Variants in CLDN10 observed in about 807,000 individuals in gnomAD.
CLDN10 encodes the protein claudin 10, also known as claudin-10.
In CLDN10, 15 loss-of-function variants were observed where a neutral mutation model predicts 22.9. That is an observed-to-expected ratio of 0.65 (90% CI 0.44 to 1.01). The LOEUF is 1.01. CLDN10 is among the 50% of genes least tolerant of loss of function. CLDN10 has a pLI of 0.00. For missense variants in CLDN10, 247 were observed against 287.8 expected (o/e 0.86, Z 1.03); for synonymous variants, 114 against 111.4 (o/e 1.02, Z -0.15).
At chr13:95,497,126 C>T (rs1268503643) in intron 1 of CLDN10, 3 of 139,020 alleles carry the variant, frequency 2.2e-5, no homozygotes, top group African/African-American at 7.9e-5. Context: ...AAAGGAAGCA[C>T]TAAAAAAAAA....
intron 3 of CLDN10, among the ~76,000 whole-genome samples, chr13:95,573,443 C>T (rs759144282): frequency 3.3e-5 from 5 of 152,142 alleles, no homozygotes; most frequent in Non-Finnish European, 7.4e-5. Context: ...GAAGGCTGGC[C>T]GAGGGCCAGG....
intron 1 of CLDN10, among the ~76,000 whole-genome samples, chr13:95,520,867 C>A (rs2043217574): frequency 6.6e-6 from 1 of 151,692 alleles, no homozygotes; most frequent in Admixed American, 6.6e-5. Flanking sequence ...GTAGTCCCAG[C>A]TAGTTAGGAG....
At chr13:95,516,968 CTCCTTCCTTCCT>C (rs59808109) in intron 1 of CLDN10, among the ~76,000 whole-genome samples, 36,547 of 135,094 alleles carry the variant, frequency 0.27, 5,306 homozygotes, top group East Asian at 0.34. Context: ...AATAGATTCT[CTCCTTCCTTCCT>C]TCCTTCCTTC....
At chr13:95,563,604 C>T (rs115407801) in intron 3 of CLDN10, among the ~76,000 whole-genome samples, 1 of 152,286 alleles carries the variant, frequency 6.6e-6, no homozygotes, top group Non-Finnish European at 1.5e-5. Flanking sequence ...TCTGTTTTCC[C>T]TGCAGTGCCT....
intron 3 of CLDN10, among the ~76,000 whole-genome samples, chr13:95,563,131 T>TCTCG (rs1555300142): frequency 2.2e-4 from 34 of 151,120 alleles, no homozygotes; most frequent in African/African-American, 8.3e-4. Flanking sequence ...TCTCTCTCTC[T>TCTCG]CTCTGTCTGT....
chr13:95,526,657 G>A (rs1353442704), intron 1 of CLDN10, among the ~76,000 whole-genome samples: 4 of 151,986 alleles, frequency 2.6e-5, no homozygotes, highest in Non-Finnish European at 5.9e-5. Context: ...GCATGATGGT[G>A]GGCACCTGGA....
At chr13:95,577,098 GTTA>G (rs1182046047) in intron 3 of CLDN10, 130 bp from the exon 4 acceptor site, 14 of 644,534 alleles carry the variant, frequency 2.2e-5, no homozygotes, top group Non-Finnish European at 3.5e-5. Context: ...GACACAAGGT[GTTA>G]TTATTTCCTT....
At position 95,561,791 on chromosome 13, in the gene CLDN10, G is replaced by T. The variant is rs537387636; in HGVS notation, c.464+1328G>T. ...TTTTTTTTTTTTTTTTAAGAGTTAGGGCCTCTTTCTGTCACTCAGGCTGGA... is the reference window on the plus strand; with the variant it reads ...TTTTTTTTTTTTTTTTAAGAGTTAGTGCCTCTTTCTGTCACTCAGGCTGGA... On this transcript the variant is annotated intron_variant, in intron 3 of 4. Transcript: ENST00000299339. Among the ~76,000 whole-genome samples, 5 of 148,866 alleles carry T rather than the reference G, an allele frequency of 3.4e-5. No individual in the cohort carries two copies. In the South Asian group the frequency reaches 1.1e-3, roughly 32 times the overall value.
chr13:95,478,004 G>A (rs1474663843), intron 1 of CLDN10, among the ~76,000 whole-genome samples: 1 of 152,172 alleles, frequency 6.6e-6, no homozygotes, highest in Non-Finnish European at 1.5e-5. Flanking sequence ...ATCACCTGTT[G>A]TGTTTTAAAA....
intron 1 of CLDN10, among the ~76,000 whole-genome samples, chr13:95,459,465 A>G (rs1039065904): frequency 5.3e-5 from 8 of 152,224 alleles, no homozygotes; most frequent in Admixed American, 1.3e-4. Context: ...TCAAACCTCA[A>G]TTATTAACTT....
chr13:95,495,262 C>T (rs2042916385), intron 1 of CLDN10, among the ~76,000 whole-genome samples: 4 of 151,744 alleles, frequency 2.6e-5, no homozygotes, highest in Non-Finnish European at 5.9e-5. Context: ...GTCTCGAAGT[C>T]CTGACCTCAA....
chr13:95,476,742 C>T (rs1001174079), intron 1 of CLDN10, among the ~76,000 whole-genome samples: 1 of 151,958 alleles, frequency 6.6e-6, no homozygotes, highest in Non-Finnish European at 1.5e-5. Flanking sequence ...GGGGCTTTAA[C>T]ACATATTGCT....
intron 1 of CLDN10, among the ~76,000 whole-genome samples, chr13:95,477,157 C>T (rs917425228): frequency 6.6e-6 from 1 of 152,152 alleles, no homozygotes; most frequent in Admixed American, 6.5e-5. Flanking sequence ...AGTGGGCACG[C>T]CACGCCATGC....
intron 1 of CLDN10, among the ~76,000 whole-genome samples, chr13:95,541,653 T>G (rs2043461756): frequency 6.6e-6 from 1 of 152,160 alleles, no homozygotes; most frequent in Non-Finnish European, 1.5e-5. Flanking sequence ...CACACTCACT[T>G]TTTTTCCACA....
intron 1 of CLDN10, among the ~76,000 whole-genome samples, chr13:95,540,329 TA>T (rs2043446690): frequency 6.7e-6 from 1 of 149,936 alleles, no homozygotes; most frequent in Non-Finnish European, 1.5e-5. Flanking sequence ...AATAAATAAA[TA>T]AATAAATAAA....
At chr13:95,527,975 C>T (rs2043302806) in intron 1 of CLDN10, among the ~76,000 whole-genome samples, 1 of 152,138 alleles carries the variant, frequency 6.6e-6, no homozygotes. Flanking sequence ...CTGGAGATTT[C>T]CTGATTCTAG....
At chr13:95,574,182 T>C (rs965994199) in intron 3 of CLDN10, among the ~76,000 whole-genome samples, 1 of 152,138 alleles carries the variant, frequency 6.6e-6, no homozygotes, top group Non-Finnish European at 1.5e-5. Context: ...AATAAACATA[T>C]GAACACATGT....
chr13:95,510,101 C>T (rs899614543), intron 1 of CLDN10, among the ~76,000 whole-genome samples: 1 of 152,226 alleles, frequency 6.6e-6, no homozygotes, highest in Admixed American at 6.5e-5. Context: ...CAAGCAAGTT[C>T]CAGCACACCA....
intron 3 of CLDN10, among the ~76,000 whole-genome samples, chr13:95,572,106 C>A (rs1157286899): frequency 1.3e-5 from 2 of 151,974 alleles, no homozygotes; most frequent in Non-Finnish European, 2.9e-5. Context: ...CCAACATGCC[C>A]TGATTTTAAT....
Sources: allele counts gnomAD v4.1 joint callset (sites outside exome capture counted in the v4.1 genomes callset), GRCh38; gene constraint gnomAD v4.1.1; transcripts MANE v1.5; gene names NCBI Gene and HGNC (gene_info 2026-07-23, HGNC 2026-07-21).